MYH15: variants seen among roughly 807,000 people sequenced by gnomAD.
The protein encoded by MYH15 is myosin heavy chain 15, also known as myosin-15.
Under a neutral mutation model 240.5 loss-of-function variants are expected in MYH15, and 227 were observed. The ratio of observed to expected loss-of-function variants is 0.94; its 90% CI spans 0.85 to 1.05. MYH15 has a LOEUF of 1.05. MYH15 is among the 50% of genes least tolerant of loss of function. The pLI, the probability that MYH15 is intolerant of heterozygous loss-of-function variation, is 0.00. For synonymous variants in MYH15, 785 were observed against 796.7 expected (o/e 0.99, Z 0.25); for missense variants, 2,217 against 2,247.5 (o/e 0.99, Z 0.27).
intron 18 of MYH15, among the ~76,000 whole-genome samples, chr3:108,458,405 A>T (rs1220483654): frequency 6.6e-6 from 1 of 152,192 alleles, no homozygotes; most frequent in African/African-American, 2.4e-5. Flanking sequence ...TTTGTATCGC[A>T]GAAACTCAAA....
intron 28 of MYH15, 75 bp downstream of exon 28, chr3:108,421,013 C>A: frequency 1.3e-6 from 2 of 1,592,294 alleles, no homozygotes; most frequent in South Asian, 2.3e-5. Context: ...GTGGGTAGTT[C>A]ATTATCTCAG....
At position 108,464,720 on chromosome 3, in the gene MYH15, C is replaced by G. The variant is rs770913205; in HGVS notation, c.1649G>C (p.Gly550Ala). The G allele has an allele frequency of 1.4e-5, 23 of 1,613,842 alleles. No homozygotes were observed. The highest frequency in any genetic ancestry group is 1.9e-5 in the Non-Finnish European group (23 of 1,179,840). Reference sequence around the variant, plus strand: ...GGGCTTCTGGAGATGAACCGACTTTCCAAAATGGTTGTCAAAGAGTTTGGT... The same window carrying G: ...GGGCTTCTGGAGATGAACCGACTTTGCAAAATGGTTGTCAAAGAGTTTGGT... Reference protein sequence around the residue: ...FKTKLFDNHFGKSVHLQKPKP... With the variant: ...FKTKLFDNHFAKSVHLQKPKP... The change falls in exon 15 of 41, where the codon GGA becomes GCA. Residue 550 changes from glycine (G) to alanine (A), a missense_variant. Physicochemically the swap from Gly to Ala is moderately conservative, Grantham distance 60. Coordinates refer to ENST00000693548, the MANE Select transcript of MYH15 (RefSeq NM_014981.3).
At chr3:108,400,844 G>A (rs1180178440) in intron 33 of MYH15, among the ~76,000 whole-genome samples, 1 of 152,142 alleles carries the variant, frequency 6.6e-6, no homozygotes, top group African/African-American at 2.4e-5. Context: ...CGGCCTACAG[G>A]GGGAAGAGAG....
chr3:108,402,965 C>T (rs13068806), intron 33 of MYH15, among the ~76,000 whole-genome samples: 40,401 of 152,034 alleles, frequency 0.27, 5,722 homozygotes, highest in Non-Finnish European at 0.31. Flanking sequence ...GTGACTGCAC[C>T]GTCACCTCCC....
At chr3:108,458,356 T>C (rs1343975035) in intron 18 of MYH15, among the ~76,000 whole-genome samples, 1 of 152,142 alleles carries the variant, frequency 6.6e-6, no homozygotes, top group East Asian at 1.9e-4. Flanking sequence ...TAGGAAACAA[T>C]GAGGCACAAA....
At chr3:108,490,944 C>A (rs1321428852) in intron 9 of MYH15, among the ~76,000 whole-genome samples, 4 of 151,754 alleles carry the variant, frequency 2.6e-5, no homozygotes, top group Admixed American at 6.6e-5. Flanking sequence ...CTAAAGTGCA[C>A]TGGCACATTC....
the MYH15 span, among the ~76,000 whole-genome samples, chr3:108,537,631 G>C: frequency 2.6e-5 from 4 of 152,162 alleles, no homozygotes; most frequent in African/African-American, 9.7e-5. Context: ...CACTGAACCT[G>C]TTGGCACTTT....
chr3:108,496,410 A>T (rs1361175221), intron 6 of MYH15, among the ~76,000 whole-genome samples: 1 of 152,232 alleles, frequency 6.6e-6, no homozygotes, highest in Non-Finnish European at 1.5e-5. Context: ...TCAGGCTGAT[A>T]GGCAAAAACA....
At chr3:108,412,392 G>A (rs1184183159) in intron 30 of MYH15, among the ~76,000 whole-genome samples, 1 of 152,146 alleles carries the variant, frequency 6.6e-6, no homozygotes, top group Non-Finnish European at 1.5e-5. Context: ...CACCAGGATT[G>A]TAAGTTTCCT....
chr3:108,476,557 C>T (rs2083223096), intron 11 of MYH15, 42 bp from the exon 12 acceptor site: 1 of 1,325,244 alleles, frequency 7.5e-7, no homozygotes, highest in Non-Finnish European at 1.1e-6. Flanking sequence ...GAGAGGAAAA[C>T]ACTGTTAAGA....
chr3:108,502,312 C>T (rs1458063594), intron 2 of MYH15, among the ~76,000 whole-genome samples: 1 of 152,178 alleles, frequency 6.6e-6, no homozygotes, highest in Non-Finnish European at 1.5e-5. Context: ...ACCTTCCCAA[C>T]TACTCCAGCT....
chr3:108,510,885 G>A (rs1449714231), upstream of MYH15, among the ~76,000 whole-genome samples: 1 of 152,100 alleles, frequency 6.6e-6, no homozygotes, highest in African/African-American at 2.4e-5. Flanking sequence ...AAATATAAAA[G>A]TAATATGAAT....
Position 108,470,691 on chromosome 3 carries a change from C to T in MYH15, c.1383+7G>A. ...GCATTGACTTCCTTCTTACCAGATA[C>T]ACTTACCTCAAGGATTTCAAAACCA... On this transcript the variant is annotated splice_region_variant and intron_variant, in intron 13 of 40. Transcript: ENST00000693548. 6.2e-7 allele frequency: 1 copy of T among 1,613,110 alleles called. No homozygotes were observed. The highest frequency in any genetic ancestry group is 8.5e-7 in the Non-Finnish European group (1 of 1,179,508).
At chr3:108,499,583 A>G in intron 4 of MYH15, 101 bp from the exon 5 acceptor site, 3 of 1,133,958 alleles carry the variant, frequency 2.6e-6, no homozygotes, top group South Asian at 1.3e-5. Flanking sequence ...GAAATCAGAC[A>G]CAAGGGAAAG....
chr3:108,488,929 C>T (rs1296653601), intron 9 of MYH15, among the ~76,000 whole-genome samples: 1 of 152,152 alleles, frequency 6.6e-6, no homozygotes, highest in Non-Finnish European at 1.5e-5. Flanking sequence ...CTTTTCTTCA[C>T]ATCTTTGCCA....
intron 9 of MYH15, among the ~76,000 whole-genome samples, chr3:108,489,685 T>C (rs902832248): frequency 3.9e-5 from 6 of 152,184 alleles, no homozygotes; most frequent in East Asian, 1.9e-4. Flanking sequence ...TTTTGTAGTA[T>C]GGACAAATCC....
At chr3:108,501,957 A>T (rs931549858) in intron 2 of MYH15, 102 bp from the exon 3 acceptor site, 22 of 1,289,518 alleles carry the variant, frequency 1.7e-5, no homozygotes, top group Non-Finnish European at 1.8e-5. Flanking sequence ...AGAAAAAATG[A>T]TGCCTCATTA....
intron 32 of MYH15, 22 bp downstream of exon 32, chr3:108,408,258 C>A (rs1192771694): frequency 3.8e-6 from 6 of 1,597,316 alleles, no homozygotes; most frequent in Middle Eastern, 1.7e-4. Flanking sequence ...TGAAAACTTT[C>A]TTTTCTCCCT....
At position 108,419,032 on chromosome 3, in the gene MYH15, C is replaced by A. The variant is rs113068197; in HGVS notation, c.3829+2056G>T. ...CCTCCCAAAATTCTGGGATTACAGG[C>A]ATGAGCCACTCTGCTGGTCCAAAAA... On this transcript the variant is annotated intron_variant, in intron 28 of 40. Transcript: ENST00000693548. 9.3e-3 allele frequency among the ~76,000 whole-genome samples: 1,412 copies of A among 152,256 alleles called. 16 individuals carry two copies. The highest frequency in any genetic ancestry group is 0.028 in the African/African-American group (1,144 of 41,544).
Sources: gnomAD v4.1 joint callset for allele counts (sites outside exome capture counted in the v4.1 genomes callset) on GRCh38, gnomAD v4.1.1 for gene constraint, MANE v1.5 for transcripts, NCBI Gene and HGNC (gene_info 2026-07-23, HGNC 2026-07-21) for gene names.